The following MOSMO variants were observed in gnomAD, a reference collection of about 807,000 sequenced individuals.
MOSMO encodes modulator of smoothened protein.
Under a neutral mutation model 18.4 loss-of-function variants are expected in MOSMO, and 5 were observed. The ratio of observed to expected loss-of-function variants is 0.27; its 90% CI spans 0.14 to 0.57. The LOEUF (loss-of-function observed/expected upper bound fraction) is 0.57. MOSMO is among the 20% of genes least tolerant of loss of function. MOSMO has a pLI of 0.92. For missense variants in MOSMO, 138 were observed against 211.8 expected (o/e 0.65, Z 2.16); for synonymous variants, 82 against 82.3 (o/e 1.00, Z 0.02).
rs1192175230 is a variant in MOSMO, at chr16:22,008,291, G to A, written c.-11G>A. The stretch of plus-strand genomic sequence containing the variant: ...CCGGGGCTCGGGGGGTGGGGGGAGC[G>A]GGGCGGGGAGATGGATAAACTGACC... On this transcript the variant is annotated 5_prime_UTR_variant, in exon 1 of 3. Coordinates refer to ENST00000542527, the MANE Select transcript of MOSMO (RefSeq NM_001164579.2). 6 of 1,494,866 alleles carry A rather than the reference G, an allele frequency of 4.0e-6. No individual in the cohort carries two copies. The highest frequency in any genetic ancestry group is 5.2e-5 in the East Asian group (2 of 38,464). 92.6% of individuals were successfully genotyped at this position (1,494,866 alleles called of 1,614,324 possible).
At chr16:22,023,123 A>T (rs987862523) in intron 1 of MOSMO, among the ~76,000 whole-genome samples, 6 of 152,210 alleles carry the variant, frequency 3.9e-5, no homozygotes, top group East Asian at 1.9e-4. Context: ...AAAATTTTTT[A>T]AATTGAGTCA....
At chr16:22,070,325 C>A (rs1254410713) in intron 1 of MOSMO, among the ~76,000 whole-genome samples, 1 of 152,184 alleles carries the variant, frequency 6.6e-6, no homozygotes, top group Non-Finnish European at 1.5e-5. Flanking sequence ...CAGCATTCCA[C>A]AGCCTGAAGG....
intron 1 of MOSMO, among the ~76,000 whole-genome samples, chr16:22,054,405 A>C (rs933937299): frequency 6.6e-6 from 1 of 152,116 alleles, no homozygotes; most frequent in Non-Finnish European, 1.5e-5. Context: ...CAGGAAGACA[A>C]ATTTTTGTTG....
intron 1 of MOSMO, among the ~76,000 whole-genome samples, chr16:22,056,584 A>G (rs931139722): frequency 6.6e-6 from 1 of 151,130 alleles, no homozygotes; most frequent in Non-Finnish European, 1.5e-5. Flanking sequence ...GGGTTTCTCC[A>G]TGTTGGTCAG....
intron 1 of MOSMO, among the ~76,000 whole-genome samples, chr16:22,053,297 A>C (rs1340094249): frequency 1.3e-5 from 2 of 151,994 alleles, no homozygotes; most frequent in Non-Finnish European, 2.9e-5. Flanking sequence ...ATGTGGATGC[A>C]TGGGGGTTCA....
At chr16:22,049,333 C>T (rs116953285) in intron 1 of MOSMO, among the ~76,000 whole-genome samples, 7 of 152,264 alleles carry the variant, frequency 4.6e-5, no homozygotes, top group Non-Finnish European at 8.8e-5. Context: ...TCTGAGTAAC[C>T]TCCGTCTTAC....
At chr16:22,092,534 C>T (rs1324244311), downstream of MOSMO, 84 of 1,450,176 alleles carry the variant, frequency 5.8e-5, no homozygotes, top group Non-Finnish European at 7.1e-5. Flanking sequence ...GGGCAAGCTT[C>T]GCTGCTGAGT....
chr16:22,055,216 G>A (rs779884569), intron 1 of MOSMO, among the ~76,000 whole-genome samples: 28 of 152,056 alleles, frequency 1.8e-4, no homozygotes, highest in Admixed American at 1.2e-3. Flanking sequence ...CATGGCATCC[G>A]CCTGGTCACC....
chr16:22,012,248 A>G (rs1899547076), intron 1 of MOSMO, among the ~76,000 whole-genome samples: 2 of 152,172 alleles, frequency 1.3e-5, no homozygotes, highest in South Asian at 2.1e-4. Context: ...ACTAAGGGAA[A>G]GTTTCAGAAT....
intron 1 of MOSMO, among the ~76,000 whole-genome samples, chr16:22,074,417 A>G (rs1452457008): frequency 6.6e-6 from 1 of 152,258 alleles, no homozygotes; most frequent in East Asian, 1.9e-4. Context: ...AAAAGAATGT[A>G]GACCAAAAAA....
rs1598029866 is a variant in MOSMO at position 22,083,471 on chromosome 16, G to A, written c.*2591G>A. ...CTCTTGCAGACCAGACATTGAAATG[G>A]ATTCATTCATATAGATTTCTATAAA... On this transcript the variant is annotated 3_prime_UTR_variant, in exon 3 of 3. Transcript: ENST00000542527. 4 of 292,554 alleles carry A rather than the reference G, an allele frequency of 1.4e-5. No individual in the cohort carries two copies. The East Asian group carries it at 4.9e-4, about 36-fold the overall frequency. 18.1% of individuals were successfully genotyped at this position (292,554 alleles called of 1,614,324 possible).
intron 1 of MOSMO, among the ~76,000 whole-genome samples, chr16:22,059,313 G>A (rs1900598702): frequency 6.6e-6 from 1 of 152,148 alleles, no homozygotes; most frequent in Admixed American, 6.6e-5. Flanking sequence ...AATAAGGAAG[G>A]TTGAATTCTC....
chr16:22,050,616 G>A (rs1008370034), intron 1 of MOSMO, among the ~76,000 whole-genome samples: 1 of 152,158 alleles, frequency 6.6e-6, no homozygotes, highest in African/African-American at 2.4e-5. Flanking sequence ...TGGGCCAGGT[G>A]TGGTGGCTTA....
Position 22,008,204 on chromosome 16 carries a change from G to A in MOSMO, c.-98G>A. 2.1e-6 allele frequency: 1 copy of A among 473,214 alleles called. No individual in the cohort carries two copies. Among genetic ancestry groups the A allele is most frequent in the Non-Finnish European group, 3.1e-6 (1 of 320,284 alleles). 29.3% of individuals were successfully genotyped at this position (473,214 alleles called of 1,614,324 possible). A position where few individuals can be genotyped will look rare whatever the true frequency, so the allele number is the denominator to read the frequency against. ...GGGGCCGAGGGGGCGCGAGGCAGCG[G>A]CGCGGGGACTCCGGGCCCCGGCGGC... is the stretch of plus-strand genomic sequence containing the variant. On this transcript the variant is annotated 5_prime_UTR_variant, in exon 1 of 3. Transcript: ENST00000542527.
chr16:22,030,718 G>C (rs149498909), intron 1 of MOSMO, among the ~76,000 whole-genome samples: 2 of 152,110 alleles, frequency 1.3e-5, no homozygotes, highest in Admixed American at 1.3e-4. Flanking sequence ...TAGTAGAGAC[G>C]GAGTTTTGCC....
At chr16:22,020,469 A>G (rs1899736359) in intron 1 of MOSMO, among the ~76,000 whole-genome samples, 1 of 151,436 alleles carries the variant, frequency 6.6e-6, no homozygotes, top group Non-Finnish European at 1.5e-5. Flanking sequence ...TAATTTTTGT[A>G]TTTTTAGTAG....
intron 1 of MOSMO, among the ~76,000 whole-genome samples, chr16:22,020,154 A>C (rs1463435708): frequency 6.7e-6 from 1 of 150,366 alleles, no homozygotes; most frequent in Non-Finnish European, 1.5e-5. Context: ...CGGAGGTTGC[A>C]GTGAGCCAAG....
Position 22,008,267 on chromosome 16 carries a change from C to T in MOSMO, c.-35C>T, listed in dbSNP as rs1344025284. The T allele has an allele frequency of 1.6e-6, 2 of 1,273,868 alleles. No homozygotes were observed. The highest frequency in any genetic ancestry group is 1.4e-5 in the South Asian group (1 of 73,430). 78.9% of individuals were successfully genotyped at this position (1,273,868 alleles called of 1,614,324 possible). On this transcript the variant is annotated 5_prime_UTR_variant, in exon 1 of 3. Transcript: ENST00000542527. ...GGGAGGCGTGAGGCCGCTGCCTGTC[C>T]GGGGCTCGGGGGGTGGGGGGAGCGG...
chr16:22,072,930 G>A (rs1369960959), intron 1 of MOSMO, among the ~76,000 whole-genome samples: 2 of 152,078 alleles, frequency 1.3e-5, no homozygotes, highest in African/African-American at 4.8e-5. Context: ...TTGTGATAAG[G>A]AATTTGATAA....
Sources: gnomAD v4.1 joint callset for allele counts (sites outside exome capture counted in the v4.1 genomes callset) on GRCh38, gnomAD v4.1.1 for gene constraint, MANE v1.5 for transcripts, NCBI Gene and HGNC (gene_info 2026-07-23, HGNC 2026-07-21) for gene names.